Variants in RAN observed in about 807,000 individuals in gnomAD.
RAN encodes the protein RAN, member RAS oncogene family, also known as GTP-binding nuclear protein Ran.
A neutral mutation model predicts 26.8 loss-of-function variants in RAN; 2 were observed. The observed-to-expected ratio is 0.07, with a 90% CI of 0.03 to 0.23. The LOEUF (loss-of-function observed/expected upper bound fraction) is 0.23. Ranked by LOEUF, RAN falls within the 10% of genes least tolerant of loss-of-function variation. RAN has a pLI of 1.00. For synonymous variants in RAN, 132 were observed against 95.9 expected (o/e 1.38, Z -2.20); for missense variants, 56 against 264.8 (o/e 0.21, Z 5.47).
At chr12:130,875,392 G>GT (rs942983132) in intron 5 of RAN, among the ~76,000 whole-genome samples, 15 of 151,156 alleles carry the variant, frequency 9.9e-5, no homozygotes, top group Non-Finnish European at 8.8e-5. Flanking sequence ...CACCTAATTT[G>GT]TTTTTTTGTG....
chr12:130,873,079 A>T lies in RAN; in HGVS notation c.198A>T (p.Thr66=), dbSNP rs201353570. The T allele has an allele frequency of 1.4e-4, 220 of 1,614,086 alleles. No individual in the cohort carries two copies. The highest frequency in any genetic ancestry group is 2.0e-5 in the Non-Finnish European group (24 of 1,180,030). ...CTATTAAGTTCAATGTATGGGACACAGCCGGCCAGGAGAAATTCGGTGGAC... is the reference window on the plus strand; with the variant it reads ...CTATTAAGTTCAATGTATGGGACACTGCCGGCCAGGAGAAATTCGGTGGAC... The part of the protein sequence containing the change: ...RGPIKFNVWD[T]AGQEKFGGLR... Residue 66 remains threonine (T), a synonymous_variant, in exon 4 of 7, where the codon ACA becomes ACT. Coordinates refer to ENST00000543796, the MANE Select transcript of RAN (RefSeq NM_006325.5).
chr12:130,874,543 C>T lies in RAN; in HGVS notation c.248-3C>T. The T allele has an allele frequency of 1.9e-6, 3 of 1,569,612 alleles. No homozygotes were observed. The highest frequency in any genetic ancestry group is 2.3e-5 in the South Asian group (2 of 88,474). ...GTACTAATTCCCACAAATGTTTCTT[C>T]AGCCCAGTGTGCCATCATAATGTTT... On this transcript the variant is annotated splice_region_variant and splice_polypyrimidine_tract_variant and intron_variant, in intron 4 of 6. Coordinates refer to ENST00000543796, the MANE Select transcript of RAN (RefSeq NM_006325.5).
intron 4 of RAN, 71 bp from the exon 5 acceptor site, chr12:130,874,475 G>A (rs1417539691): frequency 2.3e-5 from 29 of 1,262,606 alleles, no homozygotes; most frequent in South Asian, 4.3e-5. Flanking sequence ...TTGAATCCTA[G>A]TCTCTGGTTC....
chr12:130,872,420 G>A (rs937222085), intron 1 of RAN, 164 bp from the exon 2 acceptor site: 4 of 205,366 alleles, frequency 1.9e-5, no homozygotes, highest in Non-Finnish European at 2.7e-5. Flanking sequence ...CGCCCCGGAT[G>A]CCGGCCCCGC....
chr12:130,877,449 C>G lies in RAN; in HGVS notation c.*1523C>G, dbSNP rs1478386414. The G allele has an allele frequency of 1.3e-5, 2 of 152,066 alleles. No individual in the cohort carries two copies. The highest frequency in any genetic ancestry group is 2.4e-5 in the African/African-American group (1 of 41,398). The allele number at this position is 152,066 out of a possible 1,614,324, so 9.4% of individuals were successfully genotyped here. On this transcript the variant is annotated 3_prime_UTR_variant, in exon 7 of 7. Transcript: ENST00000543796. Reference sequence around the variant, plus strand: ...AGCCTGTGAGATGGGAAGTTTTTTCCCCATAATTGGGATGAAACCTTTCAT... The same window carrying G: ...AGCCTGTGAGATGGGAAGTTTTTTCGCCATAATTGGGATGAAACCTTTCAT...
Position 130,874,562 on chromosome 12 carries a change from A to G in RAN, c.264A>G (p.Ile88Met), listed in dbSNP as rs748590216. Residue 88 changes from isoleucine (I) to methionine (M), a missense_variant, in exon 5 of 7, where the codon ATA (isoleucine) becomes ATG (methionine). This residue lies in a region of RAN where 39 missense variants were observed against 248.7 expected (regional missense o/e 0.16). Coordinates refer to ENST00000543796, the MANE Select transcript of RAN (RefSeq NM_006325.5). ...TTTCTTCAGCCCAGTGTGCCATCAT[A>G]ATGTTTGATGTAACATCGAGAGTTA... ...GYYIQAQCAI[I>M]MFDVTSRVTY... The G allele has an allele frequency of 6.3e-7, 1 of 1,590,372 alleles. No homozygotes were observed. Among genetic ancestry groups the G allele is most frequent in the Non-Finnish European group, 8.6e-7 (1 of 1,161,034 alleles).
At chr12:130,875,238 T>C (rs1204575948) in intron 5 of RAN, among the ~76,000 whole-genome samples, 1 of 152,210 alleles carries the variant, frequency 6.6e-6, no homozygotes, top group Admixed American at 6.5e-5. Context: ...TATTTGTTGT[T>C]CGAGACAGGG....
In RAN at chr12:130,876,548, C is replaced by T. The variant is rs1345423209; in HGVS notation, c.*622C>T. The T allele has an allele frequency of 6.6e-6, 1 of 152,562 alleles. No individual in the cohort carries two copies. Among genetic ancestry groups the T allele is most frequent in the Non-Finnish European group, 1.5e-5 (1 of 68,354 alleles). The allele number at this position is 152,562 out of a possible 1,614,324, so 9.5% of individuals were successfully genotyped here. A position where few individuals can be genotyped will look rare whatever the true frequency, so the allele number is the denominator to read the frequency against. ...GCTAAAGCAGTGTTTGCTCCACCTTCATATTGGCTAGGTAGGGTCACCTAG... is the reference window on the plus strand; with the variant it reads ...GCTAAAGCAGTGTTTGCTCCACCTTTATATTGGCTAGGTAGGGTCACCTAG... On this transcript the variant is annotated 3_prime_UTR_variant, in exon 7 of 7. Coordinates refer to ENST00000543796, the MANE Select transcript of RAN (RefSeq NM_006325.5).
intron 4 of RAN, chr12:130,873,372 T>C (rs1477042895): frequency 6.7e-6 from 3 of 444,916 alleles, no homozygotes; most frequent in South Asian, 4.6e-5. Context: ...CTGGGACTTA[T>C]AAGTCATATT....
intron 5 of RAN, 117 bp from the exon 6 acceptor site, chr12:130,875,489 TTACAGG>T: frequency 1.1e-6 from 1 of 908,276 alleles, no homozygotes; most frequent in East Asian, 2.7e-5. Flanking sequence ...AGTGCTGGGA[TTACAGG>T]CATGAGCCAC....
chr12:130,872,109 C>A lies in RAN; in HGVS notation c.-28C>A. ...CTTTCCAGCCTCAGTCGGACGGGCG[C>A]GGAGACGCTTCTGGAAGGTATCGCG... On this transcript the variant is annotated 5_prime_UTR_variant, in exon 1 of 7. Coordinates refer to ENST00000543796, the MANE Select transcript of RAN (RefSeq NM_006325.5). 1 of 313,244 alleles carries A rather than the reference C, an allele frequency of 3.2e-6. No homozygotes were observed. The allele number at this position is 313,244 out of a possible 1,614,324, so 19.4% of individuals were successfully genotyped here. A position where few individuals can be genotyped will look rare whatever the true frequency, so the allele number is the denominator to read the frequency against.
chr12:130,876,255 G>T lies in RAN; in HGVS notation c.*329G>T. On this transcript the variant is annotated 3_prime_UTR_variant, in exon 7 of 7. Transcript: ENST00000543796. ...TCCCATTCCTTTTCGTTTAGAATCA[G>T]AATAAAGTTGTATTTCAAATATCTA... The T allele has an allele frequency of 3.5e-6, 1 of 281,956 alleles. No individual in the cohort carries two copies. Among genetic ancestry groups the T allele is most frequent in the Non-Finnish European group, 6.7e-6 (1 of 149,776 alleles). The allele number at this position is 281,956 out of a possible 1,614,324, so 17.5% of individuals were successfully genotyped here.
chr12:130,875,967 G>C lies in RAN; in HGVS notation c.*41G>C, dbSNP rs1300536950. 3.8e-6 allele frequency: 6 copies of C among 1,598,958 alleles called. No individual in the cohort carries two copies. In the Admixed American group the frequency reaches 8.3e-5, roughly 22 times the overall value. The stretch of plus-strand genomic sequence containing the variant: ...CCAGCGTCAGAAGTCTAGTTTTATA[G>C]GCAGCTGTCCTGTGATGTCAGCGGT... On this transcript the variant is annotated 3_prime_UTR_variant, in exon 7 of 7. Transcript: ENST00000543796.
intron 2 of RAN, 39 bp downstream of exon 2, chr12:130,872,668 C>A: frequency 6.6e-7 from 1 of 1,525,420 alleles, no homozygotes; most frequent in South Asian, 1.3e-5. Context: ...CCGAGCCCGA[C>A]CGCGTGCGAC....
intron 2 of RAN, 40 bp from the exon 3 acceptor site, chr12:130,872,795 GA>G: frequency 6.2e-7 from 1 of 1,604,034 alleles, no homozygotes; most frequent in Non-Finnish European, 8.5e-7. Flanking sequence ...CTTGAGAGGT[GA>G]AGTGTTTAGG....
chr12:130,874,775 A>C (rs748931886), intron 5 of RAN, 42 bp downstream of exon 5: 11 of 1,503,060 alleles, frequency 7.3e-6, no homozygotes, highest in Non-Finnish European at 9.2e-6. Context: ...CTCTTAGCGG[A>C]GATTATATGT....
rs778088001 is a variant in RAN at position 130,872,940 on chromosome 12, G to C, written c.121+20G>C. On this transcript the variant is annotated intron_variant, in intron 3 of 6. Coordinates refer to ENST00000543796, the MANE Select transcript of RAN (RefSeq NM_006325.5). ...ATGTAGGTATGTGCTGGAAAACCTT[G>C]CTTGTGGAAATATGTGAGAAATGGG... 6.2e-7 allele frequency: 1 copy of C among 1,614,224 alleles called. No homozygotes were observed. The highest frequency in any genetic ancestry group is 1.7e-5 in the Admixed American group (1 of 60,026).
intron 4 of RAN, 25 bp from the exon 5 acceptor site, chr12:130,874,521 C>T (rs1399211281): frequency 2.6e-6 from 4 of 1,521,470 alleles, no homozygotes; most frequent in Non-Finnish European, 2.7e-6. Context: ...ACTGAGTGTA[C>T]TAATTCCCAC....
Position 130,875,795 on chromosome 12 carries a change from CT to C in RAN, c.606+16del, listed in dbSNP as rs1483956347. On this transcript the variant is annotated intron_variant, in intron 6 of 6. Transcript: ENST00000543796. Reference sequence around the variant, plus strand: ...GCACGACTTAGAGGTATTGTGGCCACTTTGCTGTTCAGATTGTTCGGTTTGG... The same window carrying C: ...GCACGACTTAGAGGTATTGTGGCCACTTGCTGTTCAGATTGTTCGGTTTGG... 1.2e-6 allele frequency: 2 copies of C among 1,614,010 alleles called. No homozygotes were observed. The highest frequency in any genetic ancestry group is 4.5e-5 in the East Asian group (2 of 44,882).
Sources: allele counts gnomAD v4.1 joint callset (sites outside exome capture counted in the v4.1 genomes callset), GRCh38; gene constraint gnomAD v4.1.1; regional missense constraint gnomAD v4.1.1; transcripts MANE v1.5; gene names NCBI Gene and HGNC (gene_info 2026-07-23, HGNC 2026-07-21).